Variants in TMED8 observed in about 807,000 individuals in gnomAD.
The protein encoded by TMED8 is protein TMED8.
In TMED8, 15 loss-of-function variants were observed where a neutral mutation model predicts 32.7. The observed-to-expected ratio is 0.46, with a 90% CI of 0.31 to 0.71. The LOEUF is 0.71. TMED8 is among the 30% of genes least tolerant of loss of function. The probability of loss-of-function intolerance (pLI) is 0.06; values close to 1 mark genes in which losing one functional copy is unlikely to be tolerated. For missense variants in TMED8, 390 were observed against 423.9 expected, an observed-to-expected ratio of 0.92 and a Z score of 0.70; for synonymous variants, 147 against 161.4, an observed-to-expected ratio of 0.91 and a Z score of 0.68.
At chr14:77,355,200 T>TTC (rs1160976949) in intron 1 of TMED8, among the ~76,000 whole-genome samples, 3 of 139,998 alleles carry the variant, frequency 2.1e-5, no homozygotes, top group African/African-American at 9.2e-5. Flanking sequence ...ACTAAACACT[T>TTC]TTTTTTTTTT....
chr14:77,339,854 G>A lies in TMED8; in HGVS notation c.*1917C>T, dbSNP rs754998412. The A allele has an allele frequency of 3.3e-5, 5 of 152,218 alleles. No individual in the cohort carries two copies. In the South Asian group the frequency reaches 6.2e-4, roughly 19 times the overall value. 9.4% of individuals were successfully genotyped at this position (152,218 alleles called of 1,614,324 possible). A position where few individuals can be genotyped will look rare whatever the true frequency, so the allele number is the denominator to read the frequency against. ...CCTATCCCACTTGGGGCTTTGCTCCGAGGGGAAGAGCAGGTGCAGGATATA... is the reference window on the plus strand; with the variant it reads ...CCTATCCCACTTGGGGCTTTGCTCCAAGGGGAAGAGCAGGTGCAGGATATA... On this transcript the variant is annotated 3_prime_UTR_variant, in exon 6 of 6. Transcript: ENST00000216468.
intron 1 of TMED8, among the ~76,000 whole-genome samples, chr14:77,370,029 G>A (rs1011357988): frequency 2.2e-4 from 34 of 152,104 alleles, no homozygotes; most frequent in Non-Finnish European, 1.9e-4. Context: ...AAAATTAGCC[G>A]GGCGTGGTGG....
chr14:77,371,372 G>C (rs1893676199), intron 1 of TMED8, among the ~76,000 whole-genome samples: 1 of 152,134 alleles, frequency 6.6e-6, no homozygotes, highest in African/African-American at 2.4e-5. Context: ...CCCTTATTAT[G>C]ATTTAGGTTG....
intron 1 of TMED8, among the ~76,000 whole-genome samples, chr14:77,370,764 T>TGTGTGC (rs1893659445): frequency 6.6e-6 from 1 of 151,842 alleles, no homozygotes; most frequent in Admixed American, 6.6e-5. Flanking sequence ...TGTGTGTGTG[T>TGTGTGC]GTATACTTTT....
Position 77,376,115 on chromosome 14 carries a change from G to A in TMED8, c.118+821C>T, listed in dbSNP as rs1168085317. Among the ~76,000 whole-genome samples the A allele has an allele frequency of 6.6e-6, 1 of 152,166 alleles. No individual in the cohort carries two copies. The highest frequency in any genetic ancestry group is 6.5e-5 in the Admixed American group (1 of 15,280). ...ATTTCAAAAGAGCATCCTTTCAGTT[G>A]CATCGTGTGTGGTGTTCAGGAGGCT... is the stretch of plus-strand genomic sequence containing the variant. On this transcript the variant is annotated intron_variant, in intron 1 of 5. Transcript: ENST00000216468. This position sits in a 1 kb window ranked among gnomAD's most constrained non-coding sequence, Gnocchi z 4.0.
At chr14:77,354,042 C>G (rs1451830123) in intron 1 of TMED8, among the ~76,000 whole-genome samples, 1 of 152,198 alleles carries the variant, frequency 6.6e-6, no homozygotes, top group Non-Finnish European at 1.5e-5. Context: ...TCCTTCTCCT[C>G]AGGCTGGTCA....
chr14:77,338,966 ACTTT>A lies in TMED8; in HGVS notation c.*2801_*2804del, dbSNP rs1472379161. 6.6e-6 allele frequency: 1 copy of A among 152,198 alleles called. No individual in the cohort carries two copies. 9.4% of individuals were successfully genotyped at this position (152,198 alleles called of 1,614,324 possible). A position where few individuals can be genotyped will look rare whatever the true frequency, so the allele number is the denominator to read the frequency against. On this transcript the variant is annotated 3_prime_UTR_variant, in exon 6 of 6. Transcript: ENST00000216468. The stretch of plus-strand genomic sequence containing the variant: ...TCCAATCTCTCTCCTACTATGAAGC[ACTTT>A]CTTTCAATTGTTTGTTACTATTTGT...
At chr14:77,353,565 C>T (rs1893228975) in intron 1 of TMED8, among the ~76,000 whole-genome samples, 1 of 151,642 alleles carries the variant, frequency 6.6e-6, no homozygotes, top group African/African-American at 2.4e-5. Flanking sequence ...ATCCTCTCAC[C>T]TCAGCCTCCT....
At chr14:77,356,051 G>A (rs1454760360) in intron 1 of TMED8, among the ~76,000 whole-genome samples, 1 of 152,184 alleles carries the variant, frequency 6.6e-6, no homozygotes, top group Non-Finnish European at 1.5e-5. Flanking sequence ...CTGAGTCTAG[G>A]AGAGAAACAG....
At chr14:77,353,369 T>G (rs1893221448) in intron 1 of TMED8, among the ~76,000 whole-genome samples, 1 of 152,164 alleles carries the variant, frequency 6.6e-6, no homozygotes, top group African/African-American at 2.4e-5. Flanking sequence ...CAGGCAAAAT[T>G]TTTAATCCAA....
chr14:77,375,040 C>T (rs1414282373), intron 1 of TMED8, among the ~76,000 whole-genome samples: 1 of 152,152 alleles, frequency 6.6e-6, no homozygotes, highest in African/African-American at 2.4e-5. Context: ...GTTTGTTCCT[C>T]TGTAAAATGG....
At chr14:77,354,886 AGAGGTTGCAGT>A (rs1354702244) in intron 1 of TMED8, among the ~76,000 whole-genome samples, 4 of 151,940 alleles carry the variant, frequency 2.6e-5, no homozygotes, top group African/African-American at 7.3e-5. Context: ...CCCTGGAGGA[AGAGGTTGCAGT>A]GAGGTAAGAT....
At position 77,346,422 on chromosome 14, in the gene TMED8, G is replaced by C. The variant is rs1375630688; in HGVS notation, c.254C>G (p.Thr85Ser). The part of the protein sequence containing the change: ...KDATEDLRKA[T>S]GPLEAQALVK... ...CAAGGCCTGAGCCTCCAAAGGACCA[G>C]TTGCTTTCCGCAGATCTTCCGTGGC... The change falls in exon 3 of 6, where the codon ACT becomes AGT. Residue 85 changes from threonine (T) to serine (S), a missense_variant. By Grantham distance (58) the Thr-to-Ser change is moderately conservative (BLOSUM62 1). Transcript: ENST00000216468. 1.2e-6 allele frequency: 2 copies of C among 1,614,192 alleles called. No individual in the cohort carries two copies. Among genetic ancestry groups the C allele is most frequent in the Admixed American group, 1.7e-5 (1 of 60,010 alleles).
At chr14:77,375,177 C>A (rs1302566804) in intron 1 of TMED8, among the ~76,000 whole-genome samples, 1 of 151,976 alleles carries the variant, frequency 6.6e-6, no homozygotes, top group Non-Finnish European at 1.5e-5. Flanking sequence ...AATCCTACCT[C>A]AAGAGGAAGA....
At chr14:77,362,191 T>C (rs1367503174) in intron 1 of TMED8, among the ~76,000 whole-genome samples, 1 of 151,830 alleles carries the variant, frequency 6.6e-6, no homozygotes, top group Non-Finnish European at 1.5e-5. Context: ...GCTAATTGTA[T>C]GCCTTTTTTT....
At chr14:77,354,799 C>G (rs1246293759) in intron 1 of TMED8, among the ~76,000 whole-genome samples, 1 of 152,026 alleles carries the variant, frequency 6.6e-6, no homozygotes, top group African/African-American at 2.4e-5. Context: ...CTAGAAAATA[C>G]CAAAATTAGG....
intron 2 of TMED8, among the ~76,000 whole-genome samples, chr14:77,346,908 C>T (rs574393712): frequency 1.3e-5 from 2 of 151,894 alleles, no homozygotes; most frequent in East Asian, 3.9e-4. Context: ...ATTAACATAT[C>T]CATCCCCTCA....
intron 2 of TMED8, 78 bp downstream of exon 2, chr14:77,351,595 A>G: frequency 7.4e-7 from 1 of 1,348,840 alleles, no homozygotes; most frequent in Admixed American, 2.0e-5. Flanking sequence ...CCCCGCTTAA[A>G]GTCACTACCT....
chr14:77,341,635 G>A lies in TMED8; in HGVS notation c.*136C>T. ...GGGGAAAAAGCTACGTGGGCCAACA[G>A]TCAGGCATGCCAGACAGGGTGTGAG... is the stretch of plus-strand genomic sequence containing the variant. On this transcript the variant is annotated 3_prime_UTR_variant, in exon 6 of 6. Transcript: ENST00000216468. The A allele has an allele frequency of 2.4e-6, 2 of 827,758 alleles. No homozygotes were observed. Among genetic ancestry groups the A allele is most frequent in the Non-Finnish European group, 3.9e-6 (2 of 518,144 alleles). 51.3% of individuals were successfully genotyped at this position (827,758 alleles called of 1,614,324 possible). A position where few individuals can be genotyped will look rare whatever the true frequency, so the allele number is the denominator to read the frequency against.
Sources: allele counts gnomAD v4.1 joint callset (sites outside exome capture counted in the v4.1 genomes callset), GRCh38; gene constraint gnomAD v4.1.1; non-coding constraint Gnocchi (gnomAD v3.1); transcripts MANE v1.5; gene names NCBI Gene and HGNC (gene_info 2026-07-23, HGNC 2026-07-21).